The following CCNT2 variants were observed in gnomAD, a reference collection of about 807,000 sequenced individuals.
The protein encoded by CCNT2 is cyclin-T2.
In CCNT2, 18 loss-of-function variants were observed where a neutral mutation model predicts 70.0. That is an observed-to-expected ratio of 0.26 (90% CI 0.18 to 0.38). The LOEUF is 0.38. Among genes scored for constraint, CCNT2 ranks in the 10% least tolerant of loss-of-function variants. The pLI, the probability that CCNT2 is intolerant of heterozygous loss-of-function variation, is 1.00. For missense variants in CCNT2, 734 were observed against 890.2 expected (o/e 0.82, Z 2.23); for synonymous variants, 334 against 313.3 (o/e 1.07, Z -0.70).
At chr2:134,943,109 G>T (rs1004024682) in intron 5 of CCNT2, 1 of 985,070 alleles carries the variant, frequency 1.0e-6, no homozygotes, top group African/African-American at 1.7e-5. Context: ...AATTGCCTTT[G>T]TTAAAAGATT....
At chr2:134,923,281 A>C (rs1047743690) in intron 2 of CCNT2, among the ~76,000 whole-genome samples, 1 of 152,164 alleles carries the variant, frequency 6.6e-6, no homozygotes, top group Non-Finnish European at 1.5e-5. Context: ...ACTCTATCTC[A>C]AAAAACAATA....
intron 5 of CCNT2, chr2:134,943,372 C>A: frequency 1.1e-6 from 1 of 898,408 alleles, no homozygotes; most frequent in Non-Finnish European, 1.3e-6. Flanking sequence ...CTGCACTCTA[C>A]CTTGGGCAGC....
At position 134,919,792 on chromosome 2, in the gene CCNT2, C is replaced by G. The variant is rs1679741800; in HGVS notation, c.159-18C>G. The G allele has an allele frequency of 6.3e-7, 1 of 1,585,276 alleles. No individual in the cohort carries two copies. The highest frequency in any genetic ancestry group is 8.6e-7 in the Non-Finnish European group (1 of 1,159,910). On this transcript the variant is annotated intron_variant, in intron 1 of 8. Transcript: ENST00000264157. Reference sequence around the variant, plus strand: ...AGATCTTGCTTTTGTCAGATATTTCCTAAATATTACGTTCCAGCTCTCAGC... The same window carrying G: ...AGATCTTGCTTTTGTCAGATATTTCGTAAATATTACGTTCCAGCTCTCAGC...
At chr2:134,953,136 T>C in intron 8 of CCNT2, 94 bp from the exon 9 acceptor site, 1 of 802,726 alleles carries the variant, frequency 1.2e-6, no homozygotes. Flanking sequence ...ATGTTTAATA[T>C]ATAATGTTTT....
chr2:134,925,166 C>T (rs1431021058), intron 2 of CCNT2, among the ~76,000 whole-genome samples: 5 of 152,134 alleles, frequency 3.3e-5, no homozygotes, highest in Admixed American at 1.3e-4. Flanking sequence ...ATATTCAATG[C>T]CTGGGTCCTT....
Position 134,939,070 on chromosome 2 carries a change from C to A in CCNT2, c.430+8C>A. 6.3e-7 allele frequency: 1 copy of A among 1,586,448 alleles called. No homozygotes were observed. Among genetic ancestry groups the A allele is most frequent in the Non-Finnish European group, 8.7e-7 (1 of 1,155,850 alleles). ...TAATGCTACAAACTCTAGGTACGTA[C>A]TTACATCAGATAATGGCTTTTTGTG... On this transcript the variant is annotated splice_region_variant and intron_variant, in intron 4 of 8. Coordinates refer to ENST00000264157, the MANE Select transcript of CCNT2 (RefSeq NM_058241.3).
At chr2:134,942,438 T>G (rs1343161705) in intron 4 of CCNT2, among the ~76,000 whole-genome samples, 174 bp from the exon 5 acceptor site, 1 of 152,152 alleles carries the variant, frequency 6.6e-6, no homozygotes, top group Admixed American at 6.5e-5. Context: ...AATTGAGACA[T>G]TGTATTTGAA....
rs114529129 is a variant in CCNT2, at chr2:134,953,204, G to T, written c.775-26G>T. ...CATTAAATTATTTTGCTATATCACT[G>T]CTTCTTCTGTGTTTTATTTTAATAG... On this transcript the variant is annotated intron_variant, in intron 8 of 8. Coordinates refer to ENST00000264157, the MANE Select transcript of CCNT2 (RefSeq NM_058241.3). The T allele has an allele frequency of 2.6e-4, 394 of 1,537,380 alleles. 1 individual carries two copies. In the African/African-American group the frequency reaches 5.0e-3, roughly 19 times the overall value.
chr2:134,929,464 C>T (rs1336147147), intron 2 of CCNT2, among the ~76,000 whole-genome samples: 1 of 151,388 alleles, frequency 6.6e-6, no homozygotes, highest in Non-Finnish European at 1.5e-5. Flanking sequence ...AAAAATTAGC[C>T]CGGCATCTTG....
chr2:134,923,771 T>G (rs1680085451), intron 2 of CCNT2, among the ~76,000 whole-genome samples: 1 of 152,218 alleles, frequency 6.6e-6, no homozygotes, highest in Non-Finnish European at 1.5e-5. Flanking sequence ...TGTCCGAAAT[T>G]AAAACTATTA....
At chr2:134,919,998 G>A in intron 2 of CCNT2, 107 bp downstream of exon 2, 1 of 704,320 alleles carries the variant, frequency 1.4e-6, no homozygotes, top group Admixed American at 2.5e-5. Flanking sequence ...TGAATTAACG[G>A]TAAACGTATA....
rs1682991920 is a variant in CCNT2 at position 134,957,390 on chromosome 2, AT to A, written c.*2743del. 6.6e-6 allele frequency: 1 copy of A among 152,178 alleles called. No individual in the cohort carries two copies. The highest frequency in any genetic ancestry group is 2.4e-5 in the African/African-American group (1 of 41,448). 9.4% of individuals were successfully genotyped at this position (152,178 alleles called of 1,614,324 possible). ...AATATTTGAAATATTAAAAAGCATT[AT>A]CTTTAAACATCCTATAAAAGAGTGA... On this transcript the variant is annotated 3_prime_UTR_variant, in exon 9 of 9. Transcript: ENST00000264157.
intron 2 of CCNT2, among the ~76,000 whole-genome samples, chr2:134,927,649 A>G (rs1218512584): frequency 6.6e-6 from 1 of 152,248 alleles, no homozygotes; most frequent in African/African-American, 2.4e-5. Context: ...TTTCAAGGCC[A>G]TTGCAGAACA....
At chr2:134,924,107 C>T (rs552954612) in intron 2 of CCNT2, among the ~76,000 whole-genome samples, 1 of 152,254 alleles carries the variant, frequency 6.6e-6, no homozygotes, top group South Asian at 2.1e-4. Flanking sequence ...GGTTTTAAGA[C>T]TCAGCTGAAG....
intron 7 of CCNT2, among the ~76,000 whole-genome samples, chr2:134,950,212 G>A (rs1382463999): frequency 6.6e-6 from 1 of 152,118 alleles, no homozygotes; most frequent in Non-Finnish European, 1.5e-5. Context: ...GTTTATGTGG[G>A]GTTTTTTGAC....
chr2:134,947,085 T>C (rs1682036655), intron 6 of CCNT2, among the ~76,000 whole-genome samples: 1 of 152,230 alleles, frequency 6.6e-6, no homozygotes, highest in African/African-American at 2.4e-5. Context: ...CTGTGACACA[T>C]ATTTCATGCC....
intron 2 of CCNT2, among the ~76,000 whole-genome samples, chr2:134,925,384 T>A (rs961914180): frequency 6.6e-6 from 1 of 152,166 alleles, no homozygotes; most frequent in African/African-American, 2.4e-5. Context: ...TGGGTTTTTT[T>A]AAGAATATTC....
intron 3 of CCNT2, among the ~76,000 whole-genome samples, chr2:134,938,064 A>G (rs1681294848): frequency 6.6e-6 from 1 of 152,226 alleles, no homozygotes; most frequent in Non-Finnish European, 1.5e-5. Flanking sequence ...AAGTTTTATC[A>G]TAATGTTGGC....
chr2:134,921,376 C>T (rs1454613014), intron 2 of CCNT2, among the ~76,000 whole-genome samples: 1 of 151,266 alleles, frequency 6.6e-6, no homozygotes, highest in Non-Finnish European at 1.5e-5. Context: ...TTTTTTGAGA[C>T]AGAGTCTCAC....
Sources: allele counts gnomAD v4.1 joint callset (sites outside exome capture counted in the v4.1 genomes callset), GRCh38; gene constraint gnomAD v4.1.1; transcripts MANE v1.5; gene names NCBI Gene and HGNC (gene_info 2026-07-23, HGNC 2026-07-21).